The following LRRC49 variants were observed in gnomAD, a reference collection of about 807,000 sequenced individuals.
The protein encoded by LRRC49 is leucine rich repeat containing 49.
LRRC49 carries 50 observed loss-of-function variants against 83.3 expected under a neutral mutation model. The ratio of observed to expected loss-of-function variants is 0.60; its 90% CI spans 0.48 to 0.76. LRRC49 has a LOEUF of 0.76. Among genes scored for constraint, LRRC49 ranks in the 30% least tolerant of loss-of-function variants. The pLI is 0.00. For synonymous variants in LRRC49, 286 were observed against 283.3 expected, an observed-to-expected ratio of 1.01 and a Z score of -0.10; for missense variants, 704 against 809.1, an observed-to-expected ratio of 0.87 and a Z score of 1.58.
intron 5 of LRRC49, chr15:70,907,884 G>A (rs1246741859): frequency 4.6e-6 from 2 of 432,960 alleles, no homozygotes; most frequent in Non-Finnish European, 9.5e-6. Flanking sequence ...AAATTTGGGG[G>A]CACTGGCTAG....
intron 13 of LRRC49, among the ~76,000 whole-genome samples, chr15:71,012,244 A>G (rs1241303245): frequency 2.6e-5 from 4 of 152,170 alleles, no homozygotes; most frequent in African/African-American, 9.6e-5. Flanking sequence ...TTAATGTAAG[A>G]ATGGGTCCTC....
intron 11 of LRRC49, among the ~76,000 whole-genome samples, chr15:70,990,035 G>T (rs1284789895): frequency 6.6e-6 from 1 of 152,172 alleles, no homozygotes; most frequent in East Asian, 1.9e-4. Context: ...GTGTCATTCT[G>T]CCCCTACTGG....
At chr15:70,861,825 C>A (rs1208591983) in intron 1 of LRRC49, among the ~76,000 whole-genome samples, 1 of 151,788 alleles carries the variant, frequency 6.6e-6, no homozygotes, top group Non-Finnish European at 1.5e-5. Flanking sequence ...CTCGGGAGGC[C>A]GAGGCAGAAG....
At chr15:71,044,767 C>G (rs2039802206) in intron 15 of LRRC49, among the ~76,000 whole-genome samples, 1 of 151,460 alleles carries the variant, frequency 6.6e-6, no homozygotes, top group Non-Finnish European at 1.5e-5. Context: ...GCCTGGGCAG[C>G]AGAGTGAGAC....
At chr15:70,859,688 G>A (rs2032739432) in intron 1 of LRRC49, 2 of 668,752 alleles carry the variant, frequency 3.0e-6, no homozygotes, top group East Asian at 3.4e-5. Flanking sequence ...GGGCCTCAAA[G>A]GCCAGATGGC....
At chr15:70,931,275 G>C (rs559697020) in intron 7 of LRRC49, among the ~76,000 whole-genome samples, 2 of 152,262 alleles carry the variant, frequency 1.3e-5, no homozygotes, top group South Asian at 2.1e-4. Context: ...AGAGATGGGG[G>C]AAGTGCCAGT....
intron 11 of LRRC49, among the ~76,000 whole-genome samples, chr15:70,991,052 A>G (rs1439707199): frequency 3.3e-5 from 5 of 152,202 alleles, no homozygotes; most frequent in Admixed American, 6.5e-5. Context: ...GCCAGCACAA[A>G]ACCTTCCTCT....
At chr15:70,915,791 TTTACA>T (rs1276225626) in intron 6 of LRRC49, among the ~76,000 whole-genome samples, 3 of 152,194 alleles carry the variant, frequency 2.0e-5, no homozygotes, top group African/African-American at 7.2e-5. Flanking sequence ...TAATTTTATC[TTTACA>T]TTAGTTAAAT....
chr15:70,879,760 A>G (rs2033225279), intron 2 of LRRC49, among the ~76,000 whole-genome samples: 2 of 152,196 alleles, frequency 1.3e-5, no homozygotes, highest in African/African-American at 4.8e-5. Context: ...GCAGCTTTCC[A>G]GAAGTCCCAC....
chr15:71,039,962 CA>C (rs1471935900), intron 15 of LRRC49, among the ~76,000 whole-genome samples: 1 of 152,080 alleles, frequency 6.6e-6, no homozygotes, highest in Non-Finnish European at 1.5e-5. Flanking sequence ...GCCAGTATTG[CA>C]TAGGAAAAGA....
chr15:70,943,200 A>T (rs2035885734), intron 8 of LRRC49, among the ~76,000 whole-genome samples: 1 of 152,100 alleles, frequency 6.6e-6, no homozygotes, highest in African/African-American at 2.4e-5. Context: ...GGAAGATCTA[A>T]AGTGATACTT....
At chr15:70,854,417 C>G (rs555532246) in intron 1 of LRRC49, among the ~76,000 whole-genome samples, 6 of 152,286 alleles carry the variant, frequency 3.9e-5, no homozygotes, top group South Asian at 2.1e-4. Flanking sequence ...GGGGCCCCAG[C>G]CCGAGAGGAG....
chr15:70,884,252 T>C (rs2033344155), intron 2 of LRRC49, among the ~76,000 whole-genome samples: 1 of 152,038 alleles, frequency 6.6e-6, no homozygotes, highest in Non-Finnish European at 1.5e-5. Context: ...TAAAGAAACT[T>C]TGTGGCCACA....
chr15:70,934,364 A>C (rs1261908153), intron 7 of LRRC49, among the ~76,000 whole-genome samples: 3 of 152,212 alleles, frequency 2.0e-5, no homozygotes, highest in Non-Finnish European at 4.4e-5. Flanking sequence ...TGAAATTTGG[A>C]ACAACGAAAA....
intron 8 of LRRC49, among the ~76,000 whole-genome samples, chr15:70,946,068 A>C (rs2035998464): frequency 6.6e-6 from 1 of 152,182 alleles, no homozygotes; most frequent in Admixed American, 6.5e-5. Context: ...TACCTCACAT[A>C]CTTATCTTTT....
intron 14 of LRRC49, among the ~76,000 whole-genome samples, chr15:71,024,438 A>G (rs1328838444): frequency 1.3e-5 from 2 of 152,102 alleles, no homozygotes; most frequent in South Asian, 4.1e-4. Context: ...TGCAGCCTCC[A>G]CTGATGACAC....
intron 8 of LRRC49, among the ~76,000 whole-genome samples, chr15:70,945,595 G>A (rs956864131): frequency 2.7e-5 from 4 of 147,606 alleles, no homozygotes; most frequent in African/African-American, 7.5e-5. Flanking sequence ...GTTATTAGAC[G>A]GGTTGAATTT....
rs1353047909 is a variant in LRRC49 at position 71,050,677 on chromosome 15, G to T, written c.*1065G>T. The stretch of plus-strand genomic sequence containing the variant: ...CGACAGCAAAGACATGCAGAGACAT[G>T]CAGAGACACCTGGAAGGAAGCTAGG... On this transcript the variant is annotated 3_prime_UTR_variant, in exon 16 of 16. Transcript: ENST00000260382. 1 of 152,190 alleles carries T rather than the reference G, an allele frequency of 6.6e-6. No individual in the cohort carries two copies. Among genetic ancestry groups the T allele is most frequent in the Non-Finnish European group, 1.5e-5 (1 of 68,044 alleles). 9.4% of individuals were successfully genotyped at this position (152,190 alleles called of 1,614,324 possible). A position where few individuals can be genotyped will look rare whatever the true frequency, so the allele number is the denominator to read the frequency against.
chr15:70,874,593 A>T (rs1377529608), intron 2 of LRRC49, among the ~76,000 whole-genome samples: 1 of 152,218 alleles, frequency 6.6e-6, no homozygotes, highest in Non-Finnish European at 1.5e-5. Flanking sequence ...CAGCTCTGCC[A>T]CTAATCAGTT....
Sources: allele counts gnomAD v4.1 joint callset (sites outside exome capture counted in the v4.1 genomes callset), GRCh38; gene constraint gnomAD v4.1.1; transcripts MANE v1.5; gene names NCBI Gene and HGNC (gene_info 2026-07-23, HGNC 2026-07-21).